CACNA1D: variants seen among roughly 807,000 people sequenced by gnomAD.
The protein encoded by CACNA1D is calcium voltage-gated channel subunit alpha1 D, also known as voltage-dependent L-type calcium channel subunit alpha-1D.
A neutral mutation model predicts 257.1 loss-of-function variants in CACNA1D; 55 were observed. The observed-to-expected ratio is 0.21, with a 90% CI of 0.17 to 0.27. The LOEUF is 0.27. CACNA1D is among the 10% of genes least tolerant of loss of function. The pLI, the probability that CACNA1D is intolerant of heterozygous loss-of-function variation, is 1.00. For missense variants in CACNA1D, 1,876 were observed against 2,784.0 expected (o/e 0.67, Z 7.34); for synonymous variants, 980 against 1,014.9 (o/e 0.97, Z 0.65).
intron 15 of CACNA1D, among the ~76,000 whole-genome samples, chr3:53,727,931 G>C (rs1390902554): frequency 6.6e-6 from 1 of 151,896 alleles, no homozygotes; most frequent in Non-Finnish European, 1.5e-5. Context: ...AATGCTTTGT[G>C]CTATAAGGTA....
At chr3:53,732,227 G>T in intron 18 of CACNA1D, 145 bp downstream of exon 18, 2 of 714,738 alleles carry the variant, frequency 2.8e-6, no homozygotes, top group Non-Finnish European at 5.1e-6. Flanking sequence ...CAGTTAGCTC[G>T]CCTTTTTCCC....
At chr3:53,737,770 C>A (rs1402524435) in intron 20 of CACNA1D, among the ~76,000 whole-genome samples, 1 of 152,258 alleles carries the variant, frequency 6.6e-6, no homozygotes, top group Non-Finnish European at 1.5e-5. Context: ...TTGCAGTGAA[C>A]TGAGATCATG....
chr3:53,605,411 A>G (rs1214792024), intron 3 of CACNA1D, among the ~76,000 whole-genome samples: 1 of 152,190 alleles, frequency 6.6e-6, no homozygotes. Flanking sequence ...GAAAGAAGGG[A>G]CTCGAACTAA....
chr3:53,647,993 G>A (rs75598214), intron 3 of CACNA1D, among the ~76,000 whole-genome samples: 1,739 of 152,300 alleles, frequency 0.011, 31 homozygotes, highest in African/African-American at 0.039. Flanking sequence ...GAAAAAGAAC[G>A]TTAAACAGTT....
intron 9 of CACNA1D, among the ~76,000 whole-genome samples, chr3:53,716,928 A>G (rs1489233699): frequency 6.6e-6 from 1 of 152,142 alleles, no homozygotes; most frequent in Non-Finnish European, 1.5e-5. Context: ...GAAGTCTGCT[A>G]TGAGCAAGGC....
At chr3:53,779,497 G>C (rs2095415229) in intron 37 of CACNA1D, among the ~76,000 whole-genome samples, 1 of 152,096 alleles carries the variant, frequency 6.6e-6, no homozygotes, top group African/African-American at 2.4e-5. Context: ...TGGCTCACGT[G>C]ATCATGGAGG....
At chr3:53,722,584 T>A in intron 12 of CACNA1D, 110 bp downstream of exon 12, 1 of 1,127,844 alleles carries the variant, frequency 8.9e-7, no homozygotes, top group Non-Finnish European at 1.3e-6. Context: ...GCAACATTTC[T>A]AGTGAGGACA....
At chr3:53,749,932 C>T (rs540534449) in intron 27 of CACNA1D, among the ~76,000 whole-genome samples, 5 of 152,164 alleles carry the variant, frequency 3.3e-5, no homozygotes, top group East Asian at 3.8e-4. Flanking sequence ...TAGCAGCATC[C>T]GTGGCTTCCA....
intron 3 of CACNA1D, among the ~76,000 whole-genome samples, chr3:53,566,083 G>C (rs1014453850): frequency 4.6e-5 from 7 of 152,184 alleles, no homozygotes; most frequent in African/African-American, 1.2e-4. Flanking sequence ...AGTGAAGAAT[G>C]ATTAGGTACT....
chr3:53,603,705 C>T (rs2093473114), intron 3 of CACNA1D, among the ~76,000 whole-genome samples: 2 of 152,146 alleles, frequency 1.3e-5, no homozygotes, highest in African/African-American at 4.8e-5. Flanking sequence ...GATGGGGAGC[C>T]CACAAACATG....
intron 3 of CACNA1D, among the ~76,000 whole-genome samples, chr3:53,520,849 CCTTTCTTTCTTTCTTTCTTT>C (rs71074924): frequency 1.1e-4 from 15 of 133,000 alleles, no homozygotes; most frequent in African/African-American, 2.0e-4. Flanking sequence ...TTTGCAAACT[CCTTTCTTTCTTTCTTTCTTT>C]CTTTCTTTCT....
intron 12 of CACNA1D, among the ~76,000 whole-genome samples, 181 bp downstream of exon 12, chr3:53,722,655 T>A (rs2094894190): frequency 6.6e-6 from 1 of 152,216 alleles, no homozygotes; most frequent in Non-Finnish European, 1.5e-5. Flanking sequence ...CTGTGCCGCG[T>A]GGTGAAGCAC....
chr3:53,601,902 G>A (rs535137454), intron 3 of CACNA1D, among the ~76,000 whole-genome samples: 2 of 152,144 alleles, frequency 1.3e-5, no homozygotes, highest in East Asian at 3.9e-4. Context: ...GTAGGGACGG[G>A]GTTTCACCAG....
chr3:53,633,594 C>T (rs55783596), intron 3 of CACNA1D, among the ~76,000 whole-genome samples: 174 of 152,246 alleles, frequency 1.1e-3, no homozygotes, highest in Non-Finnish European at 1.9e-3. Flanking sequence ...AACTGGTAGC[C>T]GGGAAGTCAT....
intron 3 of CACNA1D, among the ~76,000 whole-genome samples, chr3:53,649,736 T>A (rs1409021290): frequency 6.6e-6 from 1 of 152,364 alleles, no homozygotes; most frequent in South Asian, 2.1e-4. Flanking sequence ...CCCACTGATA[T>A]TAGTATAGGA....
intron 39 of CACNA1D, chr3:53,782,790 A>G (rs1694470574): frequency 3.9e-5 from 6 of 152,238 alleles, no homozygotes; most frequent in Admixed American, 3.9e-4. Flanking sequence ...ACAAAACAAA[A>G]CAAAAGTCCT....
intron 7 of CACNA1D, among the ~76,000 whole-genome samples, chr3:53,668,509 A>G (rs1275736691): frequency 6.6e-6 from 1 of 152,162 alleles, no homozygotes; most frequent in East Asian, 1.9e-4. Context: ...CAGCATCTTT[A>G]TTCTGGTGGG....
chr3:53,682,871 G>A (rs2094445273), intron 8 of CACNA1D, among the ~76,000 whole-genome samples: 1 of 152,122 alleles, frequency 6.6e-6, no homozygotes, highest in African/African-American at 2.4e-5. Context: ...GCAAAAAATA[G>A]GAAGCAACTA....
At chr3:53,562,819 G>A (rs1051970834) in intron 3 of CACNA1D, among the ~76,000 whole-genome samples, 1 of 152,192 alleles carries the variant, frequency 6.6e-6, no homozygotes, top group Non-Finnish European at 1.5e-5. Context: ...TTTCTTGTAA[G>A]AGATTGTGGA....
Sources: allele counts gnomAD v4.1 joint callset (sites outside exome capture counted in the v4.1 genomes callset), GRCh38; gene constraint gnomAD v4.1.1; transcripts MANE v1.5; gene names NCBI Gene and HGNC (gene_info 2026-07-23, HGNC 2026-07-21).